The following AK5 variants were observed in gnomAD, a reference collection of about 807,000 sequenced individuals.
AK5 encodes the protein adenylate kinase isoenzyme 5.
In AK5, 27 loss-of-function variants were observed where a neutral mutation model predicts 69.5. The ratio of observed to expected loss-of-function variants is 0.39; its 90% CI spans 0.29 to 0.54. The LOEUF (loss-of-function observed/expected upper bound fraction) is 0.54, where lower values mean the gene tolerates loss of function less well. Among genes scored for constraint, AK5 ranks in the 20% least tolerant of loss-of-function variants. The pLI is 0.71. For missense variants in AK5, 531 were observed against 700.4 expected, an observed-to-expected ratio of 0.76 and a Z score of 2.73; for synonymous variants, 260 against 244.4, an observed-to-expected ratio of 1.06 and a Z score of -0.60.
At chr1:77,492,866 C>T (rs1045969045) in intron 10 of AK5, among the ~76,000 whole-genome samples, 9 of 152,062 alleles carry the variant, frequency 5.9e-5, no homozygotes, top group Admixed American at 4.6e-4. Context: ...CCAGGAAGAA[C>T]GAGAACTGAA....
chr1:77,342,557 A>G (rs1661709384), intron 6 of AK5, among the ~76,000 whole-genome samples: 1 of 152,208 alleles, frequency 6.6e-6, no homozygotes, highest in African/African-American at 2.4e-5. Context: ...CTTGCCTAGT[A>G]AAGTCGCCTT....
chr1:77,327,174 G>A (rs541011828), intron 5 of AK5, among the ~76,000 whole-genome samples: 1 of 152,170 alleles, frequency 6.6e-6, no homozygotes, highest in Non-Finnish European at 1.5e-5. Context: ...ATTGTTTGAG[G>A]CCAGGAGTTC....
chr1:77,535,521 GA>G (rs1658910935), intron 12 of AK5, among the ~76,000 whole-genome samples: 1 of 152,160 alleles, frequency 6.6e-6, no homozygotes, highest in South Asian at 2.1e-4. Flanking sequence ...CACATTAGAG[GA>G]AACACCCCCT....
At chr1:77,425,660 AGAAT>A (rs1051344200) in intron 8 of AK5, among the ~76,000 whole-genome samples, 2 of 152,206 alleles carry the variant, frequency 1.3e-5, no homozygotes, top group African/African-American at 4.8e-5. Context: ...AGAGCATGAG[AGAAT>A]GAATAAGTGA....
At chr1:77,398,060 T>C (rs945840269) in intron 6 of AK5, among the ~76,000 whole-genome samples, 4 of 152,208 alleles carry the variant, frequency 2.6e-5, no homozygotes, top group Non-Finnish European at 5.9e-5. Context: ...TTGATCTCCA[T>C]TGAATCTTAC....
intron 12 of AK5, among the ~76,000 whole-genome samples, chr1:77,523,380 A>G (rs1019531103): frequency 2.0e-5 from 3 of 152,152 alleles, no homozygotes; most frequent in Admixed American, 6.5e-5. Context: ...GCAGTTCTTG[A>G]TGGGGGACAC....
At chr1:77,406,142 T>C (rs1264185168) in intron 6 of AK5, among the ~76,000 whole-genome samples, 1 of 152,150 alleles carries the variant, frequency 6.6e-6, no homozygotes, top group Non-Finnish European at 1.5e-5. Flanking sequence ...CCAGCATATG[T>C]AGATGTGAAA....
intron 6 of AK5, among the ~76,000 whole-genome samples, chr1:77,403,692 G>A (rs898128900): frequency 8.5e-5 from 13 of 152,086 alleles, no homozygotes; most frequent in African/African-American, 3.1e-4. Flanking sequence ...CTGTTTTGGT[G>A]ACTGTAGCCT....
At chr1:77,461,850 G>A (rs751530246) in intron 8 of AK5, among the ~76,000 whole-genome samples, 16 of 151,834 alleles carry the variant, frequency 1.1e-4, no homozygotes, top group Admixed American at 6.6e-4. Flanking sequence ...CTTGAAAAAT[G>A]CAAAGAAAGT....
At chr1:77,334,851 C>G (rs1361023930) in intron 5 of AK5, among the ~76,000 whole-genome samples, 1 of 151,966 alleles carries the variant, frequency 6.6e-6, no homozygotes, top group Non-Finnish European at 1.5e-5. Flanking sequence ...AGAGCCTCTT[C>G]CCCTGGGTGG....
At chr1:77,462,970 C>T (rs762583105) in intron 8 of AK5, among the ~76,000 whole-genome samples, 1 of 152,140 alleles carries the variant, frequency 6.6e-6, no homozygotes, top group African/African-American at 2.4e-5. Flanking sequence ...TGATTATACC[C>T]CTGCTGCCTT....
At chr1:77,286,759 A>G (rs913625892) in intron 1 of AK5, among the ~76,000 whole-genome samples, 182 bp from the exon 2 acceptor site, 2 of 152,172 alleles carry the variant, frequency 1.3e-5, no homozygotes, top group Admixed American at 1.3e-4. Context: ...AGGCAGGAGA[A>G]TCACTTGAAC....
chr1:77,458,558 C>T (rs1645689205), intron 8 of AK5, among the ~76,000 whole-genome samples: 1 of 152,198 alleles, frequency 6.6e-6, no homozygotes, highest in African/African-American at 2.4e-5. Flanking sequence ...ACTTCACAAT[C>T]ATGACGGAAG....
chr1:77,442,813 G>A (rs909419541), intron 8 of AK5, among the ~76,000 whole-genome samples: 1 of 152,186 alleles, frequency 6.6e-6, no homozygotes, highest in African/African-American at 2.4e-5. Flanking sequence ...TCAATAACAA[G>A]GATGGTGTCA....
At chr1:77,355,271 G>T (rs1570430416) in intron 6 of AK5, among the ~76,000 whole-genome samples, 3 of 152,294 alleles carry the variant, frequency 2.0e-5, no homozygotes, top group East Asian at 3.9e-4. Context: ...CATTTCATCG[G>T]TTCAATCTGA....
At chr1:77,367,301 A>G (rs758783629) in intron 6 of AK5, among the ~76,000 whole-genome samples, 2 of 151,410 alleles carry the variant, frequency 1.3e-5, no homozygotes, top group Middle Eastern at 3.4e-3. Context: ...CCAAGTCTAA[A>G]CATGAAATTT....
At chr1:77,384,601 T>C (rs978661847) in intron 6 of AK5, among the ~76,000 whole-genome samples, 27 of 151,892 alleles carry the variant, frequency 1.8e-4, no homozygotes, top group African/African-American at 6.5e-4. Context: ...CCATGCTGCC[T>C]CTGAAACAGT....
chr1:77,491,304 AT>A (rs10700619), intron 10 of AK5, among the ~76,000 whole-genome samples: 6 of 87,390 alleles, frequency 6.9e-5, no homozygotes, highest in African/African-American at 2.7e-4. Context: ...CATGAATTGA[AT>A]TTTTTTTTTT....
intron 5 of AK5, among the ~76,000 whole-genome samples, chr1:77,301,095 A>G (rs1659315342): frequency 6.6e-6 from 1 of 152,138 alleles, no homozygotes; most frequent in African/African-American, 2.4e-5. Flanking sequence ...AAAGGGCCTA[A>G]CACTTAAATG....
Sources: gnomAD v4.1 joint callset for allele counts (sites outside exome capture counted in the v4.1 genomes callset) on GRCh38, gnomAD v4.1.1 for gene constraint, MANE v1.5 for transcripts, NCBI Gene and HGNC (gene_info 2026-07-23, HGNC 2026-07-21) for gene names.